ANXA10: variants seen among roughly 807,000 people sequenced by gnomAD.
The protein encoded by ANXA10 is annexin 14.
A neutral mutation model predicts 53.5 loss-of-function variants in ANXA10; 49 were observed. The observed-to-expected ratio is 0.92, with a 90% CI of 0.73 to 1.16. The LOEUF (loss-of-function observed/expected upper bound fraction) is 1.16, where lower values mean the gene tolerates loss of function less well. Among genes scored for constraint, ANXA10 ranks in the 50% most tolerant of loss-of-function variants. ANXA10 has a pLI of 0.00. For missense variants in ANXA10, 393 were observed against 394.4 expected (o/e 1.00, Z 0.03); for synonymous variants, 131 against 128.9 (o/e 1.02, Z -0.11).
In ANXA10 at chr4:168,179,258, G is replaced by C. The variant is rs776091128; in HGVS notation, c.670G>C (p.Asp224His). ...FQNISGQDMVDAINECYDGYF... is the reference protein window; with the variant it reads ...FQNISGQDMVHAINECYDGYF... ...AAATATTTCTGGGCAAGATATGGTA[G>C]ATGCCATTAATGAATGTTATGATGG... Residue 224 changes from aspartate (D) to histidine (H), a missense_variant, in exon 9 of 12, where the codon GAT (aspartate) becomes CAT (histidine). Physicochemically the swap from Asp to His is moderately conservative, Grantham distance 81. Coordinates refer to ENST00000359299, the MANE Select transcript of ANXA10 (RefSeq NM_007193.5). 5 of 1,611,982 alleles carry C rather than the reference G, an allele frequency of 3.1e-6. No individual in the cohort carries two copies. The highest frequency in any genetic ancestry group is 4.2e-6 in the Non-Finnish European group (5 of 1,179,124).
At chr4:168,147,792 AC>A in intron 3 of ANXA10, among the ~76,000 whole-genome samples, 1 of 152,336 alleles carries the variant, frequency 6.6e-6, no homozygotes, top group South Asian at 2.1e-4. Flanking sequence ...CTCCTGCTCC[AC>A]AAAGGCAAAT....
intron 2 of ANXA10, among the ~76,000 whole-genome samples, chr4:168,132,009 T>C (rs1731163019): frequency 6.6e-6 from 1 of 152,114 alleles, no homozygotes; most frequent in Admixed American, 6.6e-5. Context: ...AAGAGTACCC[T>C]TGTACATTGT....
At chr4:168,095,478 C>T (rs1481821939) in intron 1 of ANXA10, among the ~76,000 whole-genome samples, 1 of 151,810 alleles carries the variant, frequency 6.6e-6, no homozygotes, top group African/African-American at 2.4e-5. Context: ...ATATTTCTTA[C>T]CTAAAATAGC....
chr4:168,137,056 G>A (rs2149471593), intron 2 of ANXA10, among the ~76,000 whole-genome samples: 1 of 152,296 alleles, frequency 6.6e-6, no homozygotes, highest in Middle Eastern at 3.4e-3. Context: ...GGTCCTTTTA[G>A]CCAAGGCTGG....
chr4:168,158,608 G>A (rs1218653577), intron 3 of ANXA10, among the ~76,000 whole-genome samples: 1 of 152,118 alleles, frequency 6.6e-6, no homozygotes, highest in Non-Finnish European at 1.5e-5. Flanking sequence ...ATCAGTAAGA[G>A]CAGACATCCT....
chr4:168,129,083 G>A (rs1431664130), intron 2 of ANXA10, among the ~76,000 whole-genome samples: 1 of 151,996 alleles, frequency 6.6e-6, no homozygotes, highest in East Asian at 1.9e-4. Context: ...AGAAATCTTT[G>A]CATAAGGCAT....
chr4:168,160,557 T>G (rs1731764334), intron 3 of ANXA10, among the ~76,000 whole-genome samples: 1 of 152,178 alleles, frequency 6.6e-6, no homozygotes, highest in Admixed American at 6.5e-5. Context: ...TATAATGGTT[T>G]TTATTCCTTT....
chr4:168,137,576 TTCTA>T (rs1157140186), intron 2 of ANXA10, among the ~76,000 whole-genome samples: 1 of 152,232 alleles, frequency 6.6e-6, no homozygotes, highest in Non-Finnish European at 1.5e-5. Flanking sequence ...TGGCCTCTGA[TTCTA>T]TCTATGTTGC....
intron 6 of ANXA10, among the ~76,000 whole-genome samples, chr4:168,166,610 G>A (rs1026800056): frequency 1.4e-5 from 2 of 147,738 alleles, no homozygotes; most frequent in Non-Finnish European, 3.0e-5. Context: ...CAGAATTTTG[G>A]TTTGGTTTGG....
chr4:168,125,226 T>C (rs1178619550), intron 1 of ANXA10, among the ~76,000 whole-genome samples: 1 of 152,168 alleles, frequency 6.6e-6, no homozygotes, highest in Non-Finnish European at 1.5e-5. Context: ...GTTAAGTCAA[T>C]GCCATGTTCT....
intron 3 of ANXA10, among the ~76,000 whole-genome samples, chr4:168,147,552 T>C (rs897791270): frequency 6.6e-6 from 1 of 152,156 alleles, no homozygotes; most frequent in African/African-American, 2.4e-5. Flanking sequence ...TCCCCTCCAG[T>C]ATTTAGGAGC....
intron 3 of ANXA10, among the ~76,000 whole-genome samples, chr4:168,159,681 A>G (rs944900923): frequency 5.3e-5 from 8 of 152,308 alleles, no homozygotes; most frequent in Non-Finnish European, 1.0e-4. Context: ...AAATTTGTTT[A>G]TAATAGTCTC....
At chr4:168,143,185 T>C (rs954109088) in intron 3 of ANXA10, among the ~76,000 whole-genome samples, 1 of 152,192 alleles carries the variant, frequency 6.6e-6, no homozygotes, top group Non-Finnish European at 1.5e-5. Flanking sequence ...TAAGGTCTTC[T>C]TGACATCTAC....
chr4:168,155,706 T>TGTATA (rs1731613547), intron 3 of ANXA10, among the ~76,000 whole-genome samples: 1 of 29,698 alleles, frequency 3.4e-5, no homozygotes. Context: ...ATATTATAAA[T>TGTATA]ATATAATATT....
intron 11 of ANXA10, among the ~76,000 whole-genome samples, chr4:168,186,348 T>C (rs952562888): frequency 6.6e-6 from 1 of 152,224 alleles, no homozygotes; most frequent in Non-Finnish European, 1.5e-5. Context: ...TAATAAACTT[T>C]TATTCTGCTA....
intron 1 of ANXA10, among the ~76,000 whole-genome samples, chr4:168,125,034 A>G (rs1164990346): frequency 1.3e-5 from 2 of 152,202 alleles, no homozygotes; most frequent in South Asian, 2.1e-4. Context: ...GCGGAAGGGT[A>G]AGGAAGACAA....
At chr4:168,147,954 C>A (rs75841231) in intron 3 of ANXA10, among the ~76,000 whole-genome samples, 1 of 152,134 alleles carries the variant, frequency 6.6e-6, no homozygotes, top group African/African-American at 2.4e-5. Context: ...CAGCATGACA[C>A]GTTGATATCC....
chr4:168,125,379 C>T (rs142246880), intron 1 of ANXA10, among the ~76,000 whole-genome samples: 165 of 152,224 alleles, frequency 1.1e-3, no homozygotes, highest in African/African-American at 3.8e-3. Flanking sequence ...TCCATTGAAA[C>T]CCACACTCCA....
At chr4:168,139,427 G>T in intron 2 of ANXA10, 59 bp from the exon 3 acceptor site, 1 of 1,415,754 alleles carries the variant, frequency 7.1e-7, no homozygotes, top group Non-Finnish European at 9.9e-7. Flanking sequence ...TTAGATAAAG[G>T]ATTCTTCCCA....
Sources: gnomAD v4.1 joint callset for allele counts (sites outside exome capture counted in the v4.1 genomes callset) on GRCh38, gnomAD v4.1.1 for gene constraint, MANE v1.5 for transcripts, NCBI Gene and HGNC (gene_info 2026-07-23, HGNC 2026-07-21) for gene names.